GPC3: variants seen among roughly 807,000 people sequenced by gnomAD.
GPC3 encodes glypican 3, also known as glypican-3.
In GPC3, 3 loss-of-function variants were observed where a neutral mutation model predicts 34.4. That is an observed-to-expected ratio of 0.09 (90% CI 0.04 to 0.23). GPC3 has a LOEUF of 0.23. Among genes scored for constraint, GPC3 ranks in the 10% least tolerant of loss-of-function variants. The pLI, the probability that GPC3 is intolerant of heterozygous loss-of-function variation, is 1.00. For missense variants in GPC3, 351 were observed against 445.6 expected (o/e 0.79, Z 1.91); for synonymous variants, 177 against 174.0 (o/e 1.02, Z -0.13).
chrX:133,638,852 G>T (rs1465851560), intron 6 of GPC3, among the ~76,000 whole-genome samples: 1 of 103,679 alleles, frequency 9.6e-6, no homozygotes, highest in African/African-American at 4.0e-5. Context: ...AAATCGCAAA[G>T]AAATCTCATA....
intron 5 of GPC3, among the ~76,000 whole-genome samples, chrX:133,683,922 A>G (rs895286074): frequency 8.9e-6 from 1 of 112,066 alleles, no homozygotes. Context: ...CCATAGAGAG[A>G]TTATTACATG....
At chrX:133,811,052 G>C (rs2075662762) in intron 2 of GPC3, among the ~76,000 whole-genome samples, 1 of 111,252 alleles carries the variant, frequency 9.0e-6, no homozygotes, top group Non-Finnish European at 1.9e-5. Flanking sequence ...TGATTAGCCT[G>C]CTACAGGCTT....
chrX:133,888,795 T>C (rs1013006087), intron 2 of GPC3, among the ~76,000 whole-genome samples: 5 of 112,445 alleles, frequency 4.4e-5, no homozygotes, highest in Non-Finnish European at 7.5e-5. Flanking sequence ...CATAAGGAAC[T>C]ATACATGTTC....
chrX:133,650,459 A>C (rs984102770), intron 6 of GPC3, among the ~76,000 whole-genome samples: 4 of 56,880 alleles, frequency 7.0e-5, no homozygotes, highest in Non-Finnish European at 1.3e-4. Flanking sequence ...ACACCCACCC[A>C]CACACACACA....
chrX:133,608,675 A>G (rs966130850), intron 6 of GPC3, among the ~76,000 whole-genome samples: 1 of 111,679 alleles, frequency 9.0e-6, no homozygotes, highest in Non-Finnish European at 1.9e-5. Flanking sequence ...ACTGGGGGAC[A>G]TCGGTTCACT....
intron 3 of GPC3, among the ~76,000 whole-genome samples, chrX:133,743,407 C>T (rs1297904887): frequency 4.4e-5 from 5 of 112,563 alleles, no homozygotes; most frequent in African/African-American, 1.3e-4. Context: ...AGGGGCAGGA[C>T]GAATGGTCCT....
Position 133,938,585 on chromosome X carries a change from C to T in GPC3, c.337+14465G>A, listed in dbSNP as rs187859179. On this transcript the variant is annotated intron_variant, in intron 2 of 7. Transcript: ENST00000370818. ...TTAATTTGTTAGCAGATTCTTTCTT[C>T]ATAAATGGGATGAAAGTAAACTTCA... Among the ~76,000 whole-genome samples, 68 of 111,897 alleles carry T rather than the reference C, an allele frequency of 6.1e-4. No homozygotes were observed. The East Asian group carries it at 0.017, about 28-fold the overall frequency.
intron 2 of GPC3, among the ~76,000 whole-genome samples, chrX:133,808,115 G>A (rs2075645806): frequency 8.9e-6 from 1 of 112,502 alleles, no homozygotes; most frequent in Non-Finnish European, 1.9e-5. Context: ...AGGCACTACA[G>A]TGACATCACC....
chrX:133,601,722 C>G (rs1459227974), intron 6 of GPC3, among the ~76,000 whole-genome samples: 1 of 111,867 alleles, frequency 8.9e-6, no homozygotes, highest in Non-Finnish European at 1.9e-5. Flanking sequence ...TATGTACATA[C>G]TTACACACTG....
At chrX:133,546,499 T>C (rs1000584725) in intron 7 of GPC3, among the ~76,000 whole-genome samples, 2 of 110,403 alleles carry the variant, frequency 1.8e-5, no homozygotes, top group Admixed American at 9.7e-5. Flanking sequence ...ATGTCCAGCA[T>C]AAACAAATAG....
intron 2 of GPC3, among the ~76,000 whole-genome samples, chrX:133,922,806 C>T (rs1423021383): frequency 9.0e-6 from 1 of 110,788 alleles, no homozygotes; most frequent in African/African-American, 3.3e-5. Flanking sequence ...AAACAACTTC[C>T]CTCAGTTCTG....
chrX:133,831,300 G>C (rs768178713), intron 2 of GPC3, among the ~76,000 whole-genome samples: 4 of 112,286 alleles, frequency 3.6e-5, no homozygotes, highest in Non-Finnish European at 7.5e-5. Flanking sequence ...TCAATTTCCT[G>C]GTTTTAACAA....
In GPC3 at chrX:133,762,771, CCTAA is replaced by C; in HGVS notation, c.338-8599_338-8596del. The C allele has an allele frequency of 6.6e-6, 3 of 452,283 alleles. No homozygotes were observed. The South Asian group carries it at 8.3e-5, about 13-fold the overall frequency. 37.3% of individuals were successfully genotyped at this position (452,283 alleles called of 1,213,427 possible). ...ATACAGCGTTTTTCGGGATTCCTGTCCTAACTCAGAGGAAAACTTTCACAACGTC... is the reference window on the plus strand; with the variant it reads ...ATACAGCGTTTTTCGGGATTCCTGTCCTCAGAGGAAAACTTTCACAACGTC... On this transcript the variant is annotated intron_variant, in intron 2 of 7. Coordinates refer to ENST00000370818, the MANE Select transcript of GPC3 (RefSeq NM_004484.4).
intron 2 of GPC3, among the ~76,000 whole-genome samples, chrX:133,807,795 C>T (rs1420424904): frequency 8.9e-6 from 1 of 112,707 alleles, no homozygotes; most frequent in Non-Finnish European, 1.9e-5. Flanking sequence ...TCATTCTCTA[C>T]TGCCGTGATC....
intron 7 of GPC3, among the ~76,000 whole-genome samples, chrX:133,591,252 C>T (rs1167128927): frequency 1.8e-5 from 2 of 111,989 alleles, no homozygotes; most frequent in East Asian, 2.8e-4. Flanking sequence ...TGGTGGTGAA[C>T]GTGCATGGTG....
intron 5 of GPC3, among the ~76,000 whole-genome samples, chrX:133,685,122 C>T (rs1215119093): frequency 9.0e-6 from 1 of 111,627 alleles, no homozygotes; most frequent in Non-Finnish European, 1.9e-5. Context: ...AAAGAAAGAA[C>T]TGTGCCCCCA....
intron 6 of GPC3, among the ~76,000 whole-genome samples, chrX:133,600,377 GTGTGCA>G (rs1302641008): frequency 8.9e-6 from 1 of 111,890 alleles, no homozygotes; most frequent in Non-Finnish European, 1.9e-5. Flanking sequence ...TTTCCAACCT[GTGTGCA>G]ATGTCCCCAC....
At chrX:133,672,033 C>T (rs2070831678) in intron 5 of GPC3, among the ~76,000 whole-genome samples, 2 of 111,911 alleles carry the variant, frequency 1.8e-5, no homozygotes, top group African/African-American at 6.5e-5. Context: ...AAAGATTTGT[C>T]TTGGTACATA....
intron 2 of GPC3, among the ~76,000 whole-genome samples, chrX:133,897,066 C>A (rs1175900753): frequency 3.7e-5 from 4 of 109,305 alleles, no homozygotes; most frequent in Non-Finnish European, 7.6e-5. Context: ...ACAACCACGC[C>A]CAGCTAATTT....
Sources: gnomAD v4.1 joint callset for allele counts (sites outside exome capture counted in the v4.1 genomes callset) on GRCh38, gnomAD v4.1.1 for gene constraint, MANE v1.5 for transcripts, NCBI Gene and HGNC (gene_info 2026-07-23, HGNC 2026-07-21) for gene names.